Variants in GEN1 observed in about 807,000 individuals in gnomAD.
GEN1 encodes GEN1 structure-specific endonuclease, also known as flap endonuclease GEN homolog 1.
In GEN1, 64 loss-of-function variants were observed where a neutral mutation model predicts 67.6. The ratio of observed to expected loss-of-function variants is 0.95; its 90% CI spans 0.77 to 1.17. GEN1 has a LOEUF of 1.17. Ranked by LOEUF, GEN1 falls within the 50% of genes most tolerant of loss-of-function variation. The pLI, the probability that GEN1 is intolerant of heterozygous loss-of-function variation, is 0.00. For missense variants in GEN1, 1,058 were observed against 1,048.3 expected, an observed-to-expected ratio of 1.01 and a Z score of -0.13; for synonymous variants, 371 against 359.4, an observed-to-expected ratio of 1.03 and a Z score of -0.37.
intron 3 of GEN1, among the ~76,000 whole-genome samples, chr2:17,763,610 G>T (rs1358352199): frequency 3.3e-5 from 5 of 152,170 alleles, no homozygotes; most frequent in Non-Finnish European, 5.9e-5. Flanking sequence ...ACCCCACATG[G>T]TAGAGACATA....
At chr2:17,764,574 A>C (rs927129813) in intron 3 of GEN1, among the ~76,000 whole-genome samples, 2 of 152,112 alleles carry the variant, frequency 1.3e-5, no homozygotes, top group African/African-American at 4.8e-5. Context: ...CCCTATCCAC[A>C]CATCATTTTG....
chr2:17,754,379 C>A (rs967768413), intron 1 of GEN1, 34 bp downstream of exon 1: 1 of 152,210 alleles, frequency 6.6e-6, no homozygotes, highest in African/African-American at 2.4e-5. Flanking sequence ...GACGGCGCCG[C>A]CCGGGTCCTC....
intron 1 of GEN1, among the ~76,000 whole-genome samples, chr2:17,758,342 G>C (rs1671517795): frequency 6.6e-6 from 1 of 152,156 alleles, no homozygotes; most frequent in African/African-American, 2.4e-5. Context: ...CTATTCCAGT[G>C]TGCACCGTGA....
At chr2:17,776,373 A>G (rs1014345717) in intron 11 of GEN1, among the ~76,000 whole-genome samples, 12 of 152,158 alleles carry the variant, frequency 7.9e-5, no homozygotes. Flanking sequence ...AATATGGTCT[A>G]TATTGTATCA....
At position 17,772,928 on chromosome 2, in the gene GEN1, T is replaced by G. The variant is rs1035868315; in HGVS notation, c.953+144T>G. The G allele has an allele frequency of 4.5e-6, 4 of 897,184 alleles. No individual in the cohort carries two copies. In the African/African-American group the frequency reaches 6.8e-5, roughly 15 times the overall value. The allele number at this position is 897,184 out of a possible 1,614,324, so 55.6% of individuals were successfully genotyped here. A position where few individuals can be genotyped will look rare whatever the true frequency, so the allele number is the denominator to read the frequency against. On this transcript the variant is annotated intron_variant, in intron 8 of 13. Transcript: ENST00000381254. The stretch of plus-strand genomic sequence containing the variant: ...TTTTTTTCATTTCTGTTCAAAAATT[T>G]AGCTAACCTAGGAGATAGTAATGTA...
At chr2:17,767,616 T>A (rs1671991042) in intron 5 of GEN1, among the ~76,000 whole-genome samples, 1 of 152,186 alleles carries the variant, frequency 6.6e-6, no homozygotes, top group African/African-American at 2.4e-5. Context: ...GACGATTTCC[T>A]AAATAAAATT....
rs370437609 is a variant in GEN1, at chr2:17,773,329, A to G, written c.1071+30A>G. ...CTGAAAATAAATTCTTCTTTACTGT[A>G]TGAAGTTATATGCTGGAAAGATAGG... On this transcript the variant is annotated intron_variant, in intron 10 of 13. Transcript: ENST00000381254. 7.0e-6 allele frequency: 9 copies of G among 1,293,790 alleles called. No individual in the cohort carries two copies. The African/African-American group carries it at 1.0e-4, about 15-fold the overall frequency. 80.1% of individuals were successfully genotyped at this position (1,293,790 alleles called of 1,614,324 possible). A position where few individuals can be genotyped will look rare whatever the true frequency, so the allele number is the denominator to read the frequency against.
rs1323506530 is a variant in GEN1, at chr2:17,781,610, C to T, written c.2398C>T (p.His800Tyr). Residue 800 changes from histidine (H) to tyrosine (Y), a missense_variant, in exon 14 of 14, where the codon CAT becomes TAT. By Grantham distance (83) the His-to-Tyr change is moderately conservative. Transcript: ENST00000381254. Reference sequence around the variant, plus strand: ...GAAGAAGAGTGTTTGCCTTGACAGACATTCCTCTGATGAACAAAGTGCCCC... The same window carrying T: ...GAAGAAGAGTGTTTGCCTTGACAGATATTCCTCTGATGAACAAAGTGCCCC... The part of the protein sequence containing the change: ...LMKKSVCLDR[H>Y]SSDEQSAPVF... 1 of 1,613,870 alleles carries T rather than the reference C, an allele frequency of 6.2e-7. No individual in the cohort carries two copies. Among genetic ancestry groups the T allele is most frequent in the Non-Finnish European group, 8.5e-7 (1 of 1,179,956 alleles).
Position 17,759,985 on chromosome 2 carries a change from G to A in GEN1, c.42G>A (p.Lys14=), listed in dbSNP as rs1671597218. 2.5e-6 allele frequency: 4 copies of A among 1,614,030 alleles called. No individual in the cohort carries two copies. In the Admixed American group the frequency reaches 6.7e-5, roughly 27 times the overall value. Residue 14 remains lysine, a synonymous_variant, in exon 2 of 14, where the codon AAG becomes AAA. Coordinates refer to ENST00000381254, the MANE Select transcript of GEN1 (RefSeq NM_001130009.3). The part of the protein sequence containing the change: ...NDLWQILEPV[K]QHIPLRNLGG... ...TGTGGCAAATTTTGGAGCCTGTTAA[G>A]CAACACATCCCCTTGCGTAATCTTG...
chr2:17,770,161 G>A (rs536646507), intron 6 of GEN1, among the ~76,000 whole-genome samples: 231 of 152,226 alleles, frequency 1.5e-3, no homozygotes, highest in African/African-American at 5.3e-3. Context: ...AAAAGCAAGT[G>A]AATATAACAC....
At chr2:17,759,699 G>C (rs773918840) in intron 1 of GEN1, among the ~76,000 whole-genome samples, 1 of 151,798 alleles carries the variant, frequency 6.6e-6, no homozygotes, top group Admixed American at 6.6e-5. Context: ...CCTTGCATTC[G>C]CTACCGATCT....
chr2:17,765,948 A>AATATATATATAT (rs10607623), intron 4 of GEN1, among the ~76,000 whole-genome samples: 10 of 148,970 alleles, frequency 6.7e-5, no homozygotes, highest in Admixed American at 1.3e-4. Context: ...TACTTTCTAT[A>AATATATATATAT]ATATATATAT....
At position 17,783,401 on chromosome 2, in the gene GEN1, T is replaced by G. The variant is rs1046124632; in HGVS notation, c.*1462T>G. On this transcript the variant is annotated 3_prime_UTR_variant, in exon 14 of 14. Transcript: ENST00000381254. The stretch of plus-strand genomic sequence containing the variant: ...CACCTCTAAATAAATGGAAATACAT[T>G]CCATGTTCATGAATCAGAAGACATA... 18 of 152,194 alleles carry G rather than the reference T, an allele frequency of 1.2e-4. No individual in the cohort carries two copies. The highest frequency in any genetic ancestry group is 4.1e-4 in the African/African-American group (17 of 41,442). The allele number at this position is 152,194 out of a possible 1,614,324, so 9.4% of individuals were successfully genotyped here.
chr2:17,760,954 G>T (rs947767477), intron 2 of GEN1, among the ~76,000 whole-genome samples: 1 of 150,472 alleles, frequency 6.6e-6, no homozygotes, highest in Admixed American at 6.6e-5. Context: ...GTTTTGGCCG[G>T]GCACAGTGGC....
Position 17,778,054 on chromosome 2 carries a change from GA to G in GEN1, c.1259del (p.Lys420SerfsTer18), listed in dbSNP as rs1368422157. ...AGTTCATTGTTTTGAAATAGAATGG[GA>G]AAAGCCTGGTATGTATTCACTTTAA... Reference protein sequence around the residue: ...NGVHCFEIEWEKPEHYAMEDK... With the variant: ...NGVHCFEIEWXKPEHYAMEDK... On this transcript the variant is annotated frameshift_variant, in exon 12 of 14. Transcript: ENST00000381254. LOFTEE classifies it high-confidence loss of function. 3.8e-6 allele frequency: 6 copies of G among 1,590,446 alleles called. No homozygotes were observed. Among genetic ancestry groups the G allele is most frequent in the East Asian group, 4.5e-5 (2 of 44,368 alleles).
chr2:17,772,732 C>T lies in GEN1; in HGVS notation c.901C>T (p.His301Tyr), dbSNP rs1344566385. ...DYEYCCPCEW[H>Y]RTEHDRQLSE... is the part of the protein sequence containing the mutation. ...TGAATACTGCTGTCCTTGTGAGTGG[C>T]ACCGTACAGAACATGATAGGCAACT... is the stretch of plus-strand genomic sequence containing the variant. The change falls in exon 8 of 14, where the codon CAC becomes TAC. Residue 301 changes from histidine (H) to tyrosine (Y), a missense_variant. By Grantham distance (83) the His-to-Tyr change is moderately conservative. Coordinates refer to ENST00000381254, the MANE Select transcript of GEN1 (RefSeq NM_001130009.3). 5 of 1,611,654 alleles carry T rather than the reference C, an allele frequency of 3.1e-6. No homozygotes were observed. The African/African-American group carries it at 5.3e-5, about 17-fold the overall frequency.
chr2:17,773,188 T>C (rs778341689), intron 9 of GEN1, 31 bp from the exon 10 acceptor site: 1 of 1,553,822 alleles, frequency 6.4e-7, no homozygotes, highest in Non-Finnish European at 8.8e-7. Context: ...AAAGTTTAAA[T>C]CTCAGTTTCT....
intron 4 of GEN1, among the ~76,000 whole-genome samples, chr2:17,766,144 T>C (rs1334367298): frequency 6.6e-6 from 1 of 152,172 alleles, no homozygotes; most frequent in Non-Finnish European, 1.5e-5. Flanking sequence ...ATAATTTTCT[T>C]ATATAAAGTT....
Position 17,786,433 on chromosome 2 carries a change from CT to C in GEN1, c.*4496del, listed in dbSNP as rs1673062555. 2 of 152,306 alleles carry C rather than the reference CT, an allele frequency of 1.3e-5. No individual in the cohort carries two copies. The highest frequency in any genetic ancestry group is 2.1e-4 in the South Asian group (1 of 4,828). The allele number at this position is 152,306 out of a possible 1,614,324, so 9.4% of individuals were successfully genotyped here. A position where few individuals can be genotyped will look rare whatever the true frequency, so the allele number is the denominator to read the frequency against. On this transcript the variant is annotated 3_prime_UTR_variant, in exon 14 of 14. Transcript: ENST00000381254. ...TTTGAGCTACTGGAAAAAAATTGTGCTTGCTTAAATATAATGTGGTAACTAA... is the reference window on the plus strand; with the variant it reads ...TTTGAGCTACTGGAAAAAAATTGTGCTGCTTAAATATAATGTGGTAACTAA...
Sources: allele counts gnomAD v4.1 joint callset (sites outside exome capture counted in the v4.1 genomes callset), GRCh38; gene constraint gnomAD v4.1.1; transcripts MANE v1.5; gene names NCBI Gene and HGNC (gene_info 2026-07-23, HGNC 2026-07-21).